The following OR51L1 variants were observed in gnomAD, a reference collection of about 807,000 sequenced individuals.
OR51L1 encodes the protein olfactory receptor 51L1.
A neutral mutation model predicts 1.4 loss-of-function variants in OR51L1; 1 was observed. That is an observed-to-expected ratio of 0.72 (90% CI 0.26 to 3.42). The LOEUF (loss-of-function observed/expected upper bound fraction) is 3.42, where lower values mean the gene tolerates loss of function less well. OR51L1 is among the 30% of genes most tolerant of loss of function. The probability of loss-of-function intolerance (pLI) is 0.20; values close to 1 mark genes in which losing one functional copy is unlikely to be tolerated. For synonymous variants in OR51L1, 156 were observed against 144.2 expected, an observed-to-expected ratio of 1.08 and a Z score of -0.59; for missense variants, 378 against 380.0, an observed-to-expected ratio of 0.99 and a Z score of 0.04.
chr11:4,996,810 T>C (rs1336269961), intron 1 of OR51L1, among the ~76,000 whole-genome samples: 1 of 151,102 alleles, frequency 6.6e-6, no homozygotes, highest in Non-Finnish European at 1.5e-5. Flanking sequence ...CCTCCCTCTC[T>C]CTCACTCTGT....
Position 4,999,990 on chromosome 11 carries a change from A to T in OR51L1, c.*60A>T. 6.7e-7 allele frequency: 1 copy of T among 1,492,150 alleles called. No homozygotes were observed. Among genetic ancestry groups the T allele is most frequent in the South Asian group, 1.4e-5 (1 of 72,976 alleles). The allele number at this position is 1,492,150 out of a possible 1,614,324, so 92.4% of individuals were successfully genotyped here. A position where few individuals can be genotyped will look rare whatever the true frequency, so the allele number is the denominator to read the frequency against. On this transcript the variant is annotated 3_prime_UTR_variant, in exon 3 of 3. Transcript: ENST00000641819. ...CTCATGGAAGCTGTTTTAGTATATG[A>T]AAAGTAAAATATCTGGGTGTTGCTC...
Position 4,999,163 on chromosome 11 carries a change from A to T in OR51L1, c.181A>T (p.Met61Leu). 1.2e-6 allele frequency: 2 copies of T among 1,613,946 alleles called. No homozygotes were observed. The highest frequency in any genetic ancestry group is 1.7e-6 in the Non-Finnish European group (2 of 1,179,856). ...IWIESSLHQP[M>L]YYFISILAVN... ...GATAGAATCCTCTCTCCATCAGCCCATGTATTACTTTATTTCCATCTTAGC... is the reference window on the plus strand; with the variant it reads ...GATAGAATCCTCTCTCCATCAGCCCTTGTATTACTTTATTTCCATCTTAGC... Residue 61 changes from methionine (M) to leucine (L), a missense_variant, in exon 3 of 3, where the codon ATG becomes TTG. Transcript: ENST00000641819.
rs1394117670 is a variant in OR51L1 at position 5,002,821 on chromosome 11, CT to C, written c.*2893del. ...TTAAGATGATTATCCCAGGGATTCT[CT>C]TATTAAACAAACTGCACACTAAATT... On this transcript the variant is annotated 3_prime_UTR_variant, in exon 3 of 3. Transcript: ENST00000641819. The C allele has an allele frequency of 1.3e-5, 2 of 152,174 alleles. No individual in the cohort carries two copies. The highest frequency in any genetic ancestry group is 2.9e-5 in the Non-Finnish European group (2 of 68,038). 9.4% of individuals were successfully genotyped at this position (152,174 alleles called of 1,614,324 possible).
Position 5,004,752 on chromosome 11 carries a change from C to G in OR51L1, c.*4822C>G, listed in dbSNP as rs570880411. On this transcript the variant is annotated 3_prime_UTR_variant, in exon 3 of 3. Transcript: ENST00000641819. ...TGAAACTGGGACAATAAATAAATAA[C>G]TGACACATTTGCTGATATTATCAAT... 6 of 152,278 alleles carry G rather than the reference C, an allele frequency of 3.9e-5. No individual in the cohort carries two copies. The highest frequency in any genetic ancestry group is 3.3e-4 in the Admixed American group (5 of 15,292). The allele number at this position is 152,278 out of a possible 1,614,324, so 9.4% of individuals were successfully genotyped here. A position where few individuals can be genotyped will look rare whatever the true frequency, so the allele number is the denominator to read the frequency against.
Position 5,001,534 on chromosome 11 carries a change from A to T in OR51L1, c.*1604A>T, listed in dbSNP as rs915835289. 6.6e-6 allele frequency: 1 copy of T among 152,068 alleles called. No homozygotes were observed. Among genetic ancestry groups the T allele is most frequent in the African/African-American group, 2.4e-5 (1 of 41,402 alleles). 9.4% of individuals were successfully genotyped at this position (152,068 alleles called of 1,614,324 possible). ...GGGTTAAGAGTTGTGCACAATCTCA[A>T]CCCTCATCTTTTAATAATACTTTTA... On this transcript the variant is annotated 3_prime_UTR_variant, in exon 3 of 3. Transcript: ENST00000641819.
rs535164777 is a variant in OR51L1 at position 4,998,412 on chromosome 11, C to T, written c.-159-412C>T. ...ATTCTGTTTCTTATGTTCATGCTCTCTTTTCATATAGGGGTATTTATCTTG... is the reference window on the plus strand; with the variant it reads ...ATTCTGTTTCTTATGTTCATGCTCTTTTTTCATATAGGGGTATTTATCTTG... On this transcript the variant is annotated intron_variant, in intron 2 of 2. Transcript: ENST00000641819. 2.6e-4 allele frequency among the ~76,000 whole-genome samples: 40 copies of T among 151,858 alleles called. No homozygotes were observed. In the East Asian group the frequency reaches 5.6e-3, roughly 21 times the overall value.
At position 5,000,144 on chromosome 11, in the gene OR51L1, T is replaced by C; in HGVS notation, c.*214T>C. The C allele has an allele frequency of 2.2e-6, 1 of 462,946 alleles. No homozygotes were observed. The highest frequency in any genetic ancestry group is 3.8e-6 in the Non-Finnish European group (1 of 265,158). 28.7% of individuals were successfully genotyped at this position (462,946 alleles called of 1,614,324 possible). On this transcript the variant is annotated 3_prime_UTR_variant, in exon 3 of 3. Transcript: ENST00000641819. ...TGGCCTTACGTTGTCCCCAGGTCAT[T>C]ACAAGACTTATAATAGAAAATGTAT...
At position 5,000,027 on chromosome 11, in the gene OR51L1, A is replaced by G. The variant is rs1847116189; in HGVS notation, c.*97A>G. On this transcript the variant is annotated 3_prime_UTR_variant, in exon 3 of 3. Coordinates refer to ENST00000641819, the MANE Select transcript of OR51L1 (RefSeq NM_001004755.2). ...TCTGGGTGTTGCTCATCTGGTTAAAATCCTAATTCTTTCACTTCTTATACA... is the reference window on the plus strand; with the variant it reads ...TCTGGGTGTTGCTCATCTGGTTAAAGTCCTAATTCTTTCACTTCTTATACA... 1 of 1,213,362 alleles carries G rather than the reference A, an allele frequency of 8.2e-7. No homozygotes were observed. Among genetic ancestry groups the G allele is most frequent in the Admixed American group, 2.7e-5 (1 of 36,562 alleles). 75.2% of individuals were successfully genotyped at this position (1,213,362 alleles called of 1,614,324 possible). A position where few individuals can be genotyped will look rare whatever the true frequency, so the allele number is the denominator to read the frequency against.
At chr11:4,998,759 T>G (rs1847095319) in intron 2 of OR51L1, 65 bp from the exon 3 acceptor site, 1 of 505,510 alleles carries the variant, frequency 2.0e-6, no homozygotes, top group Non-Finnish European at 3.5e-6. Flanking sequence ...TGACCATATT[T>G]GTGTAGTCCA....
At position 5,002,380 on chromosome 11, in the gene OR51L1, C is replaced by G. The variant is rs982041924; in HGVS notation, c.*2450C>G. The G allele has an allele frequency of 1.3e-5, 2 of 152,072 alleles. No individual in the cohort carries two copies. The highest frequency in any genetic ancestry group is 2.9e-5 in the Non-Finnish European group (2 of 68,016). The allele number at this position is 152,072 out of a possible 1,614,324, so 9.4% of individuals were successfully genotyped here. A position where few individuals can be genotyped will look rare whatever the true frequency, so the allele number is the denominator to read the frequency against. ...GGTTAGAAAGAGTATGTGTTAGCAA[C>G]GTTCTTCAGTCTAACTTAAAACTTA... is the stretch of plus-strand genomic sequence containing the variant. On this transcript the variant is annotated 3_prime_UTR_variant, in exon 3 of 3. Coordinates refer to ENST00000641819, the MANE Select transcript of OR51L1 (RefSeq NM_001004755.2).
chr11:4,999,810 C>A lies in OR51L1; in HGVS notation c.828C>A (p.Ile276=), dbSNP rs768040686. 5.6e-6 allele frequency: 9 copies of A among 1,613,924 alleles called. No homozygotes were observed. The highest frequency in any genetic ancestry group is 7.6e-6 in the Non-Finnish European group (9 of 1,180,016). The change falls in exon 3 of 3, where the codon ATC becomes ATA. Residue 276 remains isoleucine (I), a synonymous_variant. Transcript: ENST00000641819. ...AGCATCTGTCTCCCATAGTCCACAT[C>A]CTCATGGCAGACATCTACCTTCTTC... The part of the protein sequence containing the change: ...FGKHLSPIVH[I]LMADIYLLLP...
chr11:5,000,003 C>G lies in OR51L1; in HGVS notation c.*73C>G. The G allele has an allele frequency of 1.4e-6, 2 of 1,381,406 alleles. No homozygotes were observed. The highest frequency in any genetic ancestry group is 1.9e-6 in the Non-Finnish European group (2 of 1,030,772). 85.6% of individuals were successfully genotyped at this position (1,381,406 alleles called of 1,614,324 possible). On this transcript the variant is annotated 3_prime_UTR_variant, in exon 3 of 3. Transcript: ENST00000641819. ...TTTTAGTATATGAAAAGTAAAATAT[C>G]TGGGTGTTGCTCATCTGGTTAAAAT...
rs35648951 is a variant in OR51L1 at position 5,000,238 on chromosome 11, G to GATA, written c.*310_*312dup. ...TTATTAAGTTGTCATTGTTGTTAATGATAACAGTATTTTCCTTCTTAAATG... is the reference window on the plus strand; with the variant it reads ...TTATTAAGTTGTCATTGTTGTTAATGATAATAACAGTATTTTCCTTCTTAAATG... On this transcript the variant is annotated 3_prime_UTR_variant, in exon 3 of 3. Transcript: ENST00000641819. 64,823 of 230,556 alleles carry GATA rather than the reference G, an allele frequency of 0.28. 9,822 individuals are homozygous for GATA. Among genetic ancestry groups the GATA allele is most frequent in the African/African-American group, 0.35 (15,379 of 44,050 alleles). The allele number at this position is 230,556 out of a possible 1,614,324, so 14.3% of individuals were successfully genotyped here.
At position 5,000,300 on chromosome 11, in the gene OR51L1, A is replaced by G. The variant is rs1415169128; in HGVS notation, c.*370A>G. ...ATATTGTTTCTCATGTTAATTATCT[A>G]AAACTCAGAAATCAATCTCTATCTC... On this transcript the variant is annotated 3_prime_UTR_variant, in exon 3 of 3. Transcript: ENST00000641819. 5.9e-6 allele frequency: 1 copy of G among 169,470 alleles called. No individual in the cohort carries two copies. The highest frequency in any genetic ancestry group is 2.4e-5 in the African/African-American group (1 of 41,832). 10.5% of individuals were successfully genotyped at this position (169,470 alleles called of 1,614,324 possible).
At chr11:4,998,013 A>T (rs1328607033) in intron 2 of OR51L1, among the ~76,000 whole-genome samples, 1 of 152,176 alleles carries the variant, frequency 6.6e-6, no homozygotes, top group Non-Finnish European at 1.5e-5. Context: ...AAAAAAATCA[A>T]TAGAAATAAA....
Position 5,000,034 on chromosome 11 carries a change from T to C in OR51L1, c.*104T>C. On this transcript the variant is annotated 3_prime_UTR_variant, in exon 3 of 3. Transcript: ENST00000641819. ...GTTGCTCATCTGGTTAAAATCCTAATTCTTTCACTTCTTATACATGTAATT... is the reference window on the plus strand; with the variant it reads ...GTTGCTCATCTGGTTAAAATCCTAACTCTTTCACTTCTTATACATGTAATT... 9.1e-7 allele frequency: 1 copy of C among 1,101,772 alleles called. No individual in the cohort carries two copies. The highest frequency in any genetic ancestry group is 1.3e-6 in the Non-Finnish European group (1 of 797,140). 68.2% of individuals were successfully genotyped at this position (1,101,772 alleles called of 1,614,324 possible).
In OR51L1 at chr11:5,002,704, TCC is replaced by T. The variant is rs1406563856; in HGVS notation, c.*2777_*2778del. ...CACTGGGCAATTTTATATCCAGGAC[TCC>T]CCGTGATGTTGGACAAGGCTATCTT... On this transcript the variant is annotated 3_prime_UTR_variant, in exon 3 of 3. Coordinates refer to ENST00000641819, the MANE Select transcript of OR51L1 (RefSeq NM_001004755.2). 1 of 152,150 alleles carries T rather than the reference TCC, an allele frequency of 6.6e-6. No individual in the cohort carries two copies. Among genetic ancestry groups the T allele is most frequent in the Admixed American group, 6.5e-5 (1 of 15,276 alleles). The allele number at this position is 152,150 out of a possible 1,614,324, so 9.4% of individuals were successfully genotyped here.
In OR51L1 at chr11:4,999,933, A is replaced by T. The variant is rs1345291906; in HGVS notation, c.*3A>T. The T allele has an allele frequency of 6.3e-7, 1 of 1,598,676 alleles. No individual in the cohort carries two copies. Among genetic ancestry groups the T allele is most frequent in the African/African-American group, 1.3e-5 (1 of 74,730 alleles). Reference sequence around the variant, plus strand: ...TTGTCCTAAGGAGGAGGTTTTAAGTAACCTCTGTCCTCCAACTTTTCCACT... The same window carrying T: ...TTGTCCTAAGGAGGAGGTTTTAAGTTACCTCTGTCCTCCAACTTTTCCACT... On this transcript the variant is annotated 3_prime_UTR_variant, in exon 3 of 3. Transcript: ENST00000641819.
Position 4,999,575 on chromosome 11 carries a change from G to A in OR51L1, c.593G>A (p.Ser198Asn). ...TCCTGTACAGATGCCAGGACCAACA[G>A]TATTTATGGGCTTTGTGTAGTCATT... ...RLSCTDARTN[S>N]IYGLCVVIAT... Residue 198 changes from serine (S) to asparagine (N), a missense_variant, in exon 3 of 3, where the codon AGT becomes AAT. Transcript: ENST00000641819. The A allele has an allele frequency of 6.2e-7, 1 of 1,614,000 alleles. No individual in the cohort carries two copies. The highest frequency in any genetic ancestry group is 8.5e-7 in the Non-Finnish European group (1 of 1,179,976).
Sources: allele counts gnomAD v4.1 joint callset (sites outside exome capture counted in the v4.1 genomes callset), GRCh38; gene constraint gnomAD v4.1.1; transcripts MANE v1.5; gene names NCBI Gene and HGNC (gene_info 2026-07-23, HGNC 2026-07-21).